POU2AF1: variants seen among roughly 807,000 people sequenced by gnomAD.
POU2AF1 encodes the protein POU class 2 homeobox associating factor 1.
In POU2AF1, 12 loss-of-function variants were observed where a neutral mutation model predicts 26.3. The observed-to-expected ratio is 0.46, with a 90% CI of 0.29 to 0.74. The LOEUF is 0.74. Ranked by LOEUF, POU2AF1 falls within the 30% of genes least tolerant of loss-of-function variation. The probability of loss-of-function intolerance (pLI) is 0.09; values close to 1 mark genes in which losing one functional copy is unlikely to be tolerated. For synonymous variants in POU2AF1, 175 were observed against 148.0 expected, an observed-to-expected ratio of 1.18 and a Z score of -1.32; for missense variants, 297 against 334.5, an observed-to-expected ratio of 0.89 and a Z score of 0.87.
intron 1 of POU2AF1, among the ~76,000 whole-genome samples, chr11:111,369,441 T>A (rs1861167081): frequency 6.6e-6 from 1 of 152,076 alleles, no homozygotes; most frequent in South Asian, 2.1e-4. Flanking sequence ...CCTATATGTA[T>A]CTCCTAAAGG....
chr11:111,369,349 T>A (rs1485983615), intron 1 of POU2AF1, among the ~76,000 whole-genome samples: 1 of 152,222 alleles, frequency 6.6e-6, no homozygotes, highest in African/African-American at 2.4e-5. Context: ...ACCTTGGATA[T>A]TTTTGAATGG....
chr11:111,375,593 G>A (rs970775333), intron 1 of POU2AF1, among the ~76,000 whole-genome samples: 18 of 151,852 alleles, frequency 1.2e-4, no homozygotes, highest in Non-Finnish European at 1.8e-4. Context: ...TAGAGACGGG[G>A]TTTCACCATG....
intron 1 of POU2AF1, among the ~76,000 whole-genome samples, chr11:111,375,799 T>A (rs1861300362): frequency 6.6e-6 from 1 of 152,086 alleles, no homozygotes; most frequent in South Asian, 2.1e-4. Flanking sequence ...AGAGAGAAAA[T>A]ATTTTAGGCT....
intron 1 of POU2AF1, among the ~76,000 whole-genome samples, chr11:111,367,135 C>T (rs554465158): frequency 2.0e-5 from 3 of 152,266 alleles, no homozygotes; most frequent in African/African-American, 7.2e-5. Context: ...ACAGGCAAGA[C>T]TCCCAGGGAT....
At chr11:111,369,635 G>A (rs1221934825) in intron 1 of POU2AF1, among the ~76,000 whole-genome samples, 1 of 152,196 alleles carries the variant, frequency 6.6e-6, no homozygotes, top group Non-Finnish European at 1.5e-5. Context: ...TACATATTTG[G>A]CATTGCCTCA....
At chr11:111,375,680 C>T (rs1049356059) in intron 1 of POU2AF1, among the ~76,000 whole-genome samples, 4 of 152,070 alleles carry the variant, frequency 2.6e-5, no homozygotes, top group African/African-American at 4.8e-5. Context: ...ATTACAGGCG[C>T]CCGCCACCGC....
At chr11:111,365,789 A>G (rs1861093758) in intron 1 of POU2AF1, among the ~76,000 whole-genome samples, 2 of 151,982 alleles carry the variant, frequency 1.3e-5, no homozygotes, top group Admixed American at 1.3e-4. Flanking sequence ...CCCAGGAGGC[A>G]GAGGTTGCAG....
In POU2AF1 at chr11:111,358,416, A is replaced by ACT. The variant is rs1303565921; in HGVS notation, c.147+371_147+372insAG. Among the ~76,000 whole-genome samples, 32 of 82,978 alleles carry ACT rather than the reference A, an allele frequency of 3.9e-4. 1 individual carries two copies. The highest frequency in any genetic ancestry group is 7.8e-3 in the Middle Eastern group (1 of 128). The allele number at this position is 82,978 out of a possible 152,430, so 54.4% of individuals were successfully genotyped here. A position where few individuals can be genotyped will look rare whatever the true frequency, so the allele number is the denominator to read the frequency against. On this transcript the variant is annotated intron_variant, in intron 2 of 4. Transcript: ENST00000393067. ...CCCTCACACACATACTCTCTCACAC[A>ACT]CACGCTCACACTCTCACACTCACTC...
intron 1 of POU2AF1, chr11:111,363,308 T>C: frequency 2.9e-6 from 3 of 1,026,098 alleles, no homozygotes; most frequent in Non-Finnish European, 3.5e-6. Flanking sequence ...GGAGGGTGCT[T>C]CTCATAGTGA....
chr11:111,361,311 C>T (rs982888941), intron 1 of POU2AF1, among the ~76,000 whole-genome samples: 4 of 152,136 alleles, frequency 2.6e-5, no homozygotes, highest in African/African-American at 9.7e-5. Context: ...TTCTGTGCCC[C>T]GGGGCCACCT....
chr11:111,357,920 A>T, intron 2 of POU2AF1, 83 bp from the exon 3 acceptor site: 2 of 1,180,522 alleles, frequency 1.7e-6, no homozygotes, highest in Non-Finnish European at 2.2e-6. Flanking sequence ...AGAGGGCCTC[A>T]GGGCAGGAGA....
intron 1 of POU2AF1, among the ~76,000 whole-genome samples, chr11:111,363,666 A>G (rs1442572738): frequency 2.6e-5 from 4 of 152,256 alleles, no homozygotes; most frequent in Admixed American, 1.3e-4. Context: ...TCTTAAAATC[A>G]TAATAAAAAA....
Position 111,354,234 on chromosome 11 carries a change from G to A in POU2AF1, c.*27C>T, listed in dbSNP as rs1458834285. The A allele has an allele frequency of 6.2e-7, 1 of 1,603,278 alleles. No individual in the cohort carries two copies. The highest frequency in any genetic ancestry group is 8.5e-7 in the Non-Finnish European group (1 of 1,176,868). Reference sequence around the variant, plus strand: ...GCTCATTTTAAAATCCCAGTTTCAGGGAACAGGACTCAGGTGGGAGCCACG... The same window carrying A: ...GCTCATTTTAAAATCCCAGTTTCAGAGAACAGGACTCAGGTGGGAGCCACG... On this transcript the variant is annotated 3_prime_UTR_variant, in exon 5 of 5. Transcript: ENST00000393067.
At chr11:111,355,381 C>T (rs374119821) in intron 4 of POU2AF1, among the ~76,000 whole-genome samples, 27 of 152,214 alleles carry the variant, frequency 1.8e-4, no homozygotes, top group Non-Finnish European at 2.2e-4. Flanking sequence ...TCAGATCAGG[C>T]CTGCAACAGG....
At chr11:111,376,120 G>C (rs1025201793) in intron 1 of POU2AF1, among the ~76,000 whole-genome samples, 2 of 152,148 alleles carry the variant, frequency 1.3e-5, no homozygotes, top group Non-Finnish European at 2.9e-5. Flanking sequence ...TTTCCAGGAC[G>C]GAAGGTACTA....
chr11:111,363,184 C>T (rs1279574769), intron 1 of POU2AF1: 1 of 1,014,404 alleles, frequency 9.9e-7, no homozygotes, highest in Non-Finnish European at 1.2e-6. Flanking sequence ...CCCACCTCTT[C>T]CTATTGACGT....
At chr11:111,368,081 G>T (rs1861138750) in intron 1 of POU2AF1, among the ~76,000 whole-genome samples, 1 of 152,114 alleles carries the variant, frequency 6.6e-6, no homozygotes. Context: ...AGTCTAGTGG[G>T]GTACACAGAC....
chr11:111,361,166 C>A (rs959667492), intron 1 of POU2AF1, among the ~76,000 whole-genome samples: 4 of 150,944 alleles, frequency 2.6e-5, no homozygotes, highest in Non-Finnish European at 5.9e-5. Flanking sequence ...TGCACAGGAC[C>A]CATGGAGCCC....
At chr11:111,363,469 C>T in intron 1 of POU2AF1, 9 of 1,010,710 alleles carry the variant, frequency 8.9e-6, no homozygotes, top group Non-Finnish European at 1.1e-5. Flanking sequence ...TTTAATTCCA[C>T]AGTAAACACT....
Sources: allele counts gnomAD v4.1 joint callset (sites outside exome capture counted in the v4.1 genomes callset), GRCh38; gene constraint gnomAD v4.1.1; transcripts MANE v1.5; gene names NCBI Gene and HGNC (gene_info 2026-07-23, HGNC 2026-07-21).